Variants in DYSF observed in about 807,000 individuals in gnomAD.
DYSF encodes the protein dysferlin, also known as dystrophy-associated fer-1-like 1.
A neutral mutation model predicts 274.9 loss-of-function variants in DYSF; 212 were observed. That is an observed-to-expected ratio of 0.77 (90% CI 0.69 to 0.86). DYSF has a LOEUF of 0.86. Among genes scored for constraint, DYSF ranks in the 40% least tolerant of loss-of-function variants. DYSF has a pLI of 0.00. For missense variants in DYSF, 2,666 were observed against 2,783.2 expected, an observed-to-expected ratio of 0.96 and a Z score of 0.95; for synonymous variants, 1,091 against 1,078.7, an observed-to-expected ratio of 1.01 and a Z score of -0.22.
rs113640471 is a variant in DYSF at position 71,564,052 on chromosome 2, G to C, written c.2410-6G>C. 6.2e-7 allele frequency: 1 copy of C among 1,613,992 alleles called. No homozygotes were observed. The highest frequency in any genetic ancestry group is 2.2e-5 in the East Asian group (1 of 44,866). The stretch of plus-strand genomic sequence containing the variant: ...ATCCCCACCCCGACCACCACCCTCT[G>C]TTCAGCCCCAGAACAGCCTGCCGGA... On this transcript the variant is annotated splice_region_variant and splice_polypyrimidine_tract_variant and intron_variant, in intron 23 of 55. Transcript: ENST00000410020.
intron 43 of DYSF, among the ~76,000 whole-genome samples, chr2:71,657,590 C>T (rs2094797818): frequency 6.6e-6 from 1 of 152,222 alleles, no homozygotes; most frequent in Admixed American, 6.5e-5. Context: ...CCAGGTGTTT[C>T]CATACCTCTT....
At chr2:71,517,711 C>T (rs1424619098) in intron 10 of DYSF, among the ~76,000 whole-genome samples, 1 of 151,878 alleles carries the variant, frequency 6.6e-6, no homozygotes, top group Non-Finnish European at 1.5e-5. Context: ...GAGCCGTCTC[C>T]CTTGGTGTTT....
chr2:71,666,690 C>T (rs560308292), intron 47 of DYSF, among the ~76,000 whole-genome samples: 4 of 152,328 alleles, frequency 2.6e-5, no homozygotes, highest in African/African-American at 9.6e-5. Flanking sequence ...ACCTGGGACG[C>T]ACCTGGGGAC....
intron 17 of DYSF, among the ~76,000 whole-genome samples, chr2:71,544,219 C>T (rs749331700): frequency 2.0e-5 from 3 of 152,164 alleles, no homozygotes; most frequent in African/African-American, 4.8e-5. Flanking sequence ...TTTATTCACT[C>T]TCCCACAAGA....
chr2:71,507,345 G>C (rs1402683026), intron 4 of DYSF, among the ~76,000 whole-genome samples: 1 of 152,230 alleles, frequency 6.6e-6, no homozygotes, highest in East Asian at 1.9e-4. Flanking sequence ...TCAGCTCAAT[G>C]GGGTCCACTC....
chr2:71,541,472 GTTTTAC>G (rs1559114014), intron 17 of DYSF, among the ~76,000 whole-genome samples: 2 of 151,160 alleles, frequency 1.3e-5, no homozygotes, highest in Non-Finnish European at 2.9e-5. Flanking sequence ...TACCTGTGGT[GTTTTAC>G]TTTTTCTTAT....
chr2:71,682,819 A>C lies in DYSF; in HGVS notation c.6321+142A>C, dbSNP rs2095312379. 6 of 1,246,794 alleles carry C rather than the reference A, an allele frequency of 4.8e-6. No homozygotes were observed. In the South Asian group the frequency reaches 8.2e-5, roughly 17 times the overall value. The allele number at this position is 1,246,794 out of a possible 1,614,324, so 77.2% of individuals were successfully genotyped here. On this transcript the variant is annotated intron_variant, in intron 55 of 55. Coordinates refer to ENST00000410020, the MANE Select transcript of DYSF (RefSeq NM_001130987.2). Reference sequence around the variant, plus strand: ...AGCCCCTGGTCTGATGAGGATACAGAGCCCAGCTCTGGGGAGTCTCCAATC... The same window carrying C: ...AGCCCCTGGTCTGATGAGGATACAGCGCCCAGCTCTGGGGAGTCTCCAATC...
At position 71,686,446 on chromosome 2, in the gene DYSF, C is replaced by T. The variant is rs779765738; in HGVS notation, c.6322-8C>T. On this transcript the variant is annotated splice_region_variant and splice_polypyrimidine_tract_variant and intron_variant, in intron 55 of 55. Coordinates refer to ENST00000410020, the MANE Select transcript of DYSF (RefSeq NM_001130987.2). The stretch of plus-strand genomic sequence containing the variant: ...CACCATGGGTCCCTGTCTCCTCCCT[C>T]CCTCCAGAACTATGCTGCCATGAAG... 4 of 1,613,998 alleles carry T rather than the reference C, an allele frequency of 2.5e-6. No homozygotes were observed. In the African/African-American group the frequency reaches 5.3e-5, roughly 22 times the overall value.
chr2:71,667,493 C>G lies in DYSF; in HGVS notation c.5435C>G (p.Pro1812Arg). ...EHVESRPLYS[P>R]LQPDIEQGKL... ...GTGGAGTCACGGCCCCTCTACAGCC[C>G]CCTGCAGCCAGACATCGAGCAGGTA... Residue 1812 changes from proline to arginine, a missense_variant, in exon 48 of 56, where the codon CCC becomes CGC. Pro to Arg is a moderately radical substitution (Grantham distance 103). Coordinates refer to ENST00000410020, the MANE Select transcript of DYSF (RefSeq NM_001130987.2). 1.9e-6 allele frequency: 3 copies of G among 1,614,150 alleles called. No individual in the cohort carries two copies. Among genetic ancestry groups the G allele is most frequent in the Non-Finnish European group, 2.5e-6 (3 of 1,180,010 alleles).
In DYSF at chr2:71,589,599, G is replaced by T. The variant is rs144634077; in HGVS notation, c.3409G>T (p.Val1137Leu). ...VFALEGALGG[V>L]MDDKSEDSMS... ...ACCAGCTTCGTGTCTCCAGGGCGGC[G>T]TGATGGATGACAAGAGTGAAGATTC... Residue 1137 changes from valine to leucine, a missense_variant, in exon 31 of 56, where the codon GTG (valine) becomes TTG (leucine). Val to Leu is a conservative substitution (Grantham distance 32). Coordinates refer to ENST00000410020, the MANE Select transcript of DYSF (RefSeq NM_001130987.2). 2 of 1,613,944 alleles carry T rather than the reference G, an allele frequency of 1.2e-6. No homozygotes were observed. The highest frequency in any genetic ancestry group is 1.7e-6 in the Non-Finnish European group (2 of 1,179,990).
At chr2:71,550,509 C>G (rs574918849) in intron 17 of DYSF, among the ~76,000 whole-genome samples, 1 of 151,626 alleles carries the variant, frequency 6.6e-6, no homozygotes, top group Non-Finnish European at 1.5e-5. Flanking sequence ...GCTAGCTGGG[C>G]TCCATCCCTG....
intron 22 of DYSF, among the ~76,000 whole-genome samples, chr2:71,557,704 C>T (rs2091435904): frequency 6.6e-6 from 1 of 152,086 alleles, no homozygotes; most frequent in Admixed American, 6.6e-5. Context: ...CTGTGCCAGG[C>T]ATTGTCCTAA....
chr2:71,579,931 A>G (rs2092830284), intron 30 of DYSF, among the ~76,000 whole-genome samples: 1 of 152,314 alleles, frequency 6.6e-6, no homozygotes, highest in South Asian at 2.1e-4. Context: ...TCACCTTGGA[A>G]GAGGCCTGAG....
In DYSF at chr2:71,553,900, A is replaced by T; in HGVS notation, c.2078A>T (p.Gln693Leu). The T allele has an allele frequency of 6.2e-7, 1 of 1,614,198 alleles. No homozygotes were observed. Among genetic ancestry groups the T allele is most frequent in the Non-Finnish European group, 8.5e-7 (1 of 1,180,046 alleles). The change falls in exon 21 of 56, where the codon CAG becomes CTG. Residue 693 changes from glutamine to leucine, a missense_variant. By Grantham distance (113) the Gln-to-Leu change is moderately radical. This residue lies in a region of DYSF where 412 missense variants were observed against 504.0 expected (regional missense o/e 0.82). Transcript: ENST00000410020. ...WEDISHRIET[Q>L]NQLLGIADRL... Reference sequence around the variant, plus strand: ...GACATCAGCCATAGAATCGAGACTCAGAACCAGCTGCTTGGGATTGCTGAC... The same window carrying T: ...GACATCAGCCATAGAATCGAGACTCTGAACCAGCTGCTTGGGATTGCTGAC...
At chr2:71,459,891 G>A (rs930291972) in intron 1 of DYSF, among the ~76,000 whole-genome samples, 7 of 152,032 alleles carry the variant, frequency 4.6e-5, no homozygotes, top group African/African-American at 1.5e-4. Flanking sequence ...TGTCAGCCCC[G>A]AAACACTGCA....
intron 4 of DYSF, among the ~76,000 whole-genome samples, chr2:71,508,792 G>A (rs1169267022): frequency 6.6e-6 from 1 of 152,184 alleles, no homozygotes; most frequent in Non-Finnish European, 1.5e-5. Context: ...TTGTGACTTT[G>A]TAATATCCTC....
At chr2:71,632,052 C>A (rs981612746) in intron 41 of DYSF, among the ~76,000 whole-genome samples, 1 of 152,136 alleles carries the variant, frequency 6.6e-6, no homozygotes, top group African/African-American at 2.4e-5. Context: ...AAAAAACACT[C>A]ATCTCTTCCT....
intron 36 of DYSF, among the ~76,000 whole-genome samples, chr2:71,603,684 C>T (rs992866709): frequency 7.2e-5 from 11 of 152,190 alleles, no homozygotes; most frequent in Admixed American, 5.2e-4. Flanking sequence ...TTGCGCCTGA[C>T]AGGCGGCCTC....
rs552400208 is a variant in DYSF, at chr2:71,671,898, G to A, written c.5784+2152G>A. 1.1e-4 allele frequency among the ~76,000 whole-genome samples: 17 copies of A among 152,334 alleles called. No homozygotes were observed. The South Asian group carries it at 3.5e-3, about 32-fold the overall frequency. On this transcript the variant is annotated intron_variant, in intron 51 of 55. Transcript: ENST00000410020. ...AGAGGAAGACAGGGGTCGAGGATATGGAAGGGACTGCCTGATGGCCAAGAG... is the reference window on the plus strand; with the variant it reads ...AGAGGAAGACAGGGGTCGAGGATATAGAAGGGACTGCCTGATGGCCAAGAG...
Sources: allele counts gnomAD v4.1 joint callset (sites outside exome capture counted in the v4.1 genomes callset), GRCh38; gene constraint gnomAD v4.1.1; regional missense constraint gnomAD v4.1.1; transcripts MANE v1.5; gene names NCBI Gene and HGNC (gene_info 2026-07-23, HGNC 2026-07-21).